The following NALF2 variants were observed in gnomAD, a reference collection of about 807,000 sequenced individuals.
The protein encoded by NALF2 is NALCN channel auxiliary factor 2, also known as bB57D9.1 (TED protein).
NALF2 carries 1 observed loss-of-function variant against 24.8 expected under a neutral mutation model. The ratio of observed to expected loss-of-function variants is 0.04; its 90% CI spans 0.01 to 0.19. NALF2 has a LOEUF of 0.19. Among genes scored for constraint, NALF2 ranks in the 10% least tolerant of loss-of-function variants. NALF2 has a pLI of 1.00. For missense variants in NALF2, 458 were observed against 409.6 expected, an observed-to-expected ratio of 1.12 and a Z score of -1.02; for synonymous variants, 254 against 189.8, an observed-to-expected ratio of 1.34 and a Z score of -2.78.
chrX:69,517,502 A>G (rs1930679288), intron 1 of NALF2, among the ~76,000 whole-genome samples: 1 of 112,595 alleles, frequency 8.9e-6, no homozygotes, highest in Non-Finnish European at 1.9e-5. Flanking sequence ...AGCCTGGCAT[A>G]TAGTAAGCAC....
At chrX:69,509,277 C>T (rs1050660792) in intron 1 of NALF2, among the ~76,000 whole-genome samples, 5 of 110,020 alleles carry the variant, frequency 4.5e-5, no homozygotes, top group Admixed American at 9.7e-5. Context: ...CCCCACCCCA[C>T]TCTCTTGGCC....
chrX:69,513,729 CTT>C (rs67752379), intron 1 of NALF2, among the ~76,000 whole-genome samples: 11 of 107,840 alleles, frequency 1.0e-4, no homozygotes, highest in Non-Finnish European at 1.9e-4. Flanking sequence ...AGCACTTAGT[CTT>C]TTTTTTTTCC....
chrX:69,516,711 C>A (rs1930666683), intron 1 of NALF2, among the ~76,000 whole-genome samples: 1 of 111,651 alleles, frequency 9.0e-6, no homozygotes, highest in Admixed American at 9.5e-5. Flanking sequence ...AATAGTGAGC[C>A]TTTGGCCCTG....
chrX:69,521,469 G>T (rs775053624), intron 1 of NALF2, among the ~76,000 whole-genome samples: 12 of 111,462 alleles, frequency 1.1e-4, no homozygotes, highest in Non-Finnish European at 2.1e-4. Flanking sequence ...CCCATTGTAA[G>T]TTGAGAGTAT....
intron 1 of NALF2, among the ~76,000 whole-genome samples, chrX:69,527,804 C>A (rs1211812259): frequency 9.0e-6 from 1 of 110,812 alleles, no homozygotes; most frequent in African/African-American, 3.3e-5. Context: ...CTTGGCAGGT[C>A]GGGGGTGGAG....
rs1381376018 is a variant in NALF2, at chrX:69,531,333, T to TAG, written c.*1380_*1381dup. 8.9e-6 allele frequency: 1 copy of TAG among 112,714 alleles called. No individual in the cohort carries two copies. Among genetic ancestry groups the TAG allele is most frequent in the Non-Finnish European group, 1.9e-5 (1 of 53,296 alleles). 9.3% of individuals were successfully genotyped at this position (112,714 alleles called of 1,213,427 possible). On this transcript the variant is annotated 3_prime_UTR_variant, in exon 3 of 3. Coordinates refer to ENST00000252338, the MANE Select transcript of NALF2 (RefSeq NM_015686.3). ...TGGCTGAGAAACTGTTGAGTCAGGC[T>TAG]AGAGGACTGGACAAGAGAAGAGGCA...
rs1930867989 is a variant in NALF2, at chrX:69,529,708, T to C, written c.1171T>C (p.Phe391Leu). 1 of 1,207,737 alleles carries C rather than the reference T, an allele frequency of 8.3e-7. No homozygotes were observed. The highest frequency in any genetic ancestry group is 1.7e-5 in the African/African-American group (1 of 57,484). ...CCAGCAGCAATTCCACCACTCCTAT[T>C]TCCACCACTACCACCAACAGTACCA... ...THQQQFHHSY[F>L]HHYHQQYHHY... is the part of the protein sequence containing the mutation. The change falls in exon 3 of 3, where the codon TTC becomes CTC. Residue 391 changes from phenylalanine (F) to leucine (L), a missense_variant. Transcript: ENST00000252338.
At chrX:69,510,745 A>G (rs965993745) in intron 1 of NALF2, among the ~76,000 whole-genome samples, 2 of 111,993 alleles carry the variant, frequency 1.8e-5, no homozygotes, top group African/African-American at 6.5e-5. Context: ...GAATGTGAGC[A>G]TGGGGTTCTG....
Position 69,505,469 on chromosome X carries a change from C to T in NALF2, c.187C>T (p.Leu63=). The change falls in exon 1 of 3, where the codon CTG becomes TTG. Residue 63 remains leucine (L), a synonymous_variant. Coordinates refer to ENST00000252338, the MANE Select transcript of NALF2 (RefSeq NM_015686.3). ...CGTGCTGCTCGCTGACCATCTGTGGCTGTGCGCGGGGGCCCGGCCCCGGGC... is the reference window on the plus strand; with the variant it reads ...CGTGCTGCTCGCTGACCATCTGTGGTTGTGCGCGGGGGCCCGGCCCCGGGC... ...FTVLLADHLW[L]CAGARPRARE... The T allele has an allele frequency of 1.5e-5, 17 of 1,111,771 alleles. No individual in the cohort carries two copies. The highest frequency in any genetic ancestry group is 1.9e-5 in the African/African-American group (1 of 52,869). The allele number at this position is 1,111,771 out of a possible 1,213,427, so 91.6% of individuals were successfully genotyped here.
chrX:69,508,469 G>C (rs1284667999), intron 1 of NALF2, among the ~76,000 whole-genome samples: 1 of 110,965 alleles, frequency 9.0e-6, no homozygotes, highest in Non-Finnish European at 1.9e-5. Context: ...TTGTCTTCTT[G>C]TCTGTCTCTC....
chrX:69,509,369 T>A (rs775829615), intron 1 of NALF2, among the ~76,000 whole-genome samples: 3 of 109,817 alleles, frequency 2.7e-5, no homozygotes, highest in Non-Finnish European at 5.7e-5. Flanking sequence ...GCCTTTCTGA[T>A]TGCCTCTTCC....
chrX:69,505,914 T>C lies in NALF2; in HGVS notation c.632T>C (p.Met211Thr), dbSNP rs1315816603. 8.3e-7 allele frequency: 1 copy of C among 1,211,645 alleles called. No homozygotes were observed. ...TYTVWDLLLG[M>T]DRPDSLDCSL... ...ACGGTCTGGGACTTGCTGCTGGGCA[T>C]GGACCGCCCCGACAGCCTGGACTGT... Residue 211 changes from methionine (M) to threonine (T), a missense_variant, in exon 1 of 3, where the codon ATG becomes ACG. Transcript: ENST00000252338.
chrX:69,529,543 C>T (rs746766115), intron 2 of NALF2, 28 bp from the exon 3 acceptor site: 3 of 1,190,885 alleles, frequency 2.5e-6, no homozygotes, highest in South Asian at 3.8e-5. Context: ...CCCGAGCACC[C>T]CACCACACCT....
chrX:69,505,136 GCGCC>G lies in NALF2; in HGVS notation c.-146_-143del. On this transcript the variant is annotated 5_prime_UTR_variant, in exon 1 of 3. Transcript: ENST00000252338. ...GCGACTCCGGCCTGAGCGGGGCATC[GCGCC>G]GGCCGGCCTGCCTCACCATGCAGCC... 2.2e-6 allele frequency: 1 copy of G among 461,153 alleles called. No individual in the cohort carries two copies. Among genetic ancestry groups the G allele is most frequent in the Non-Finnish European group, 3.2e-6 (1 of 308,595 alleles). The allele number at this position is 461,153 out of a possible 1,213,427, so 38.0% of individuals were successfully genotyped here. A position where few individuals can be genotyped will look rare whatever the true frequency, so the allele number is the denominator to read the frequency against.
chrX:69,505,137 C>CCG lies in NALF2; in HGVS notation c.-146_-145insCG, dbSNP rs1930436659. 1 of 462,467 alleles carries CCG rather than the reference C, an allele frequency of 2.2e-6. No individual in the cohort carries two copies. The highest frequency in any genetic ancestry group is 6.4e-5 in the South Asian group (1 of 15,667). 38.1% of individuals were successfully genotyped at this position (462,467 alleles called of 1,213,427 possible). On this transcript the variant is annotated 5_prime_UTR_variant, in exon 1 of 3. Coordinates refer to ENST00000252338, the MANE Select transcript of NALF2 (RefSeq NM_015686.3). ...CGACTCCGGCCTGAGCGGGGCATCG[C>CCG]GCCGGCCGGCCTGCCTCACCATGCA...
chrX:69,507,505 T>C (rs1267505999), intron 1 of NALF2, among the ~76,000 whole-genome samples: 1 of 110,999 alleles, frequency 9.0e-6, no homozygotes, highest in African/African-American at 3.3e-5. Flanking sequence ...TACAGACAGA[T>C]AGACACACAC....
chrX:69,505,802 C>T lies in NALF2; in HGVS notation c.520C>T (p.Arg174Cys). The T allele has an allele frequency of 8.3e-7, 1 of 1,210,957 alleles. No homozygotes were observed. Among genetic ancestry groups the T allele is most frequent in the Non-Finnish European group, 1.1e-6 (1 of 894,752 alleles). ...PPLRPPDSLS[R>C]APAEFPSAKK... is the part of the protein sequence containing the mutation. ...TCTGCGGCCCCCTGACTCCCTTTCC[C>T]GTGCCCCGGCCGAGTTCCCCTCCGC... The change falls in exon 1 of 3, where the codon CGT becomes TGT. Residue 174 changes from arginine (R) to cysteine (C), a missense_variant. Coordinates refer to ENST00000252338, the MANE Select transcript of NALF2 (RefSeq NM_015686.3).
Position 69,505,971 on chromosome X carries a change from C to T in NALF2, c.689C>T (p.Ala230Val), listed in dbSNP as rs1241757057. 8.3e-7 allele frequency: 1 copy of T among 1,210,153 alleles called. No individual in the cohort carries two copies. Among genetic ancestry groups the T allele is most frequent in the Non-Finnish European group, 1.1e-6 (1 of 895,157 alleles). ...GACACCCTGATGGGGGACCTGCTGG[C>T]CGTGGTGGCCAGCCCGGGCTCCGGG... ...SLDTLMGDLLAVVASPGSGAW... is the reference protein window; with the variant it reads ...SLDTLMGDLLVVVASPGSGAW... Residue 230 changes from alanine (A) to valine (V), a missense_variant, in exon 1 of 3, where the codon GCC becomes GTC. Physicochemically the swap from Ala to Val is moderately conservative, Grantham distance 64. Coordinates refer to ENST00000252338, the MANE Select transcript of NALF2 (RefSeq NM_015686.3).
At chrX:69,507,686 A>G (rs775235328) in intron 1 of NALF2, among the ~76,000 whole-genome samples, 1 of 111,057 alleles carries the variant, frequency 9.0e-6, no homozygotes, top group South Asian at 3.9e-4. Context: ...AGAAGGGCAC[A>G]TTTTGTCTTA....
Sources: gnomAD v4.1 joint callset for allele counts (sites outside exome capture counted in the v4.1 genomes callset) on GRCh38, gnomAD v4.1.1 for gene constraint, MANE v1.5 for transcripts, NCBI Gene and HGNC (gene_info 2026-07-23, HGNC 2026-07-21) for gene names.